IGSF9B: variants seen among roughly 807,000 people sequenced by gnomAD.
The protein encoded by IGSF9B is protein turtle homolog B.
Under a neutral mutation model 143.7 loss-of-function variants are expected in IGSF9B, and 48 were observed. The observed-to-expected ratio is 0.33, with a 90% CI of 0.26 to 0.42. IGSF9B has a LOEUF of 0.42. Ranked by LOEUF, IGSF9B falls within the 20% of genes least tolerant of loss-of-function variation. IGSF9B has a pLI of 1.00. For synonymous variants in IGSF9B, 903 were observed against 833.1 expected (o/e 1.08, Z -1.44); for missense variants, 1,706 against 1,980.0 (o/e 0.86, Z 2.63).
At chr11:133,949,903 G>C (rs983031864) in intron 1 of IGSF9B, among the ~76,000 whole-genome samples, 2 of 152,198 alleles carry the variant, frequency 1.3e-5, no homozygotes, top group Admixed American at 6.5e-5. Flanking sequence ...TCTCTTTAGA[G>C]AAGGCCAGAA....
intron 18 of IGSF9B, among the ~76,000 whole-genome samples, chr11:133,918,399 G>A (rs987781418): frequency 3.3e-4 from 50 of 152,126 alleles, no homozygotes; most frequent in Non-Finnish European, 5.3e-4. Flanking sequence ...AGCGAGCACC[G>A]GACAGGCGAG....
intron 1 of IGSF9B, among the ~76,000 whole-genome samples, chr11:133,955,387 C>T (rs1325186710): frequency 6.6e-6 from 1 of 152,204 alleles, no homozygotes; most frequent in African/African-American, 2.4e-5. Context: ...ACACCACCAC[C>T]CCCCTCAGAA....
At chr11:133,944,179 G>A (rs773303740) in intron 3 of IGSF9B, 41 bp downstream of exon 3, 58 of 1,558,398 alleles carry the variant, frequency 3.7e-5, no homozygotes, top group East Asian at 6.8e-5. Flanking sequence ...CTCAGGCACC[G>A]TTGATGGTGA....
At chr11:133,941,915 C>T (rs1029304533) in intron 3 of IGSF9B, among the ~76,000 whole-genome samples, 1 of 152,220 alleles carries the variant, frequency 6.6e-6, no homozygotes, top group Non-Finnish European at 1.5e-5. Flanking sequence ...GAAGTTCTCC[C>T]TCCTTTGTGC....
chr11:133,915,398 A>G (rs888929030), intron 18 of IGSF9B, among the ~76,000 whole-genome samples: 3 of 150,698 alleles, frequency 2.0e-5, no homozygotes, highest in Non-Finnish European at 4.4e-5. Flanking sequence ...CCCCCCAAGG[A>G]GCTGGGACTA....
At position 133,921,193 on chromosome 11, in the gene IGSF9B, G is replaced by A. The variant is rs1939528144; in HGVS notation, c.2532C>T (p.Thr844=). The A allele has an allele frequency of 6.2e-7, 1 of 1,608,788 alleles. No individual in the cohort carries two copies. Among genetic ancestry groups the A allele is most frequent in the African/African-American group, 1.3e-5 (1 of 74,878 alleles). The change falls in exon 18 of 20, where the codon ACC becomes ACT. Residue 844 remains threonine (T), a synonymous_variant. Coordinates refer to ENST00000533871, the MANE Select transcript of IGSF9B (RefSeq NM_001277285.4). ...CTCTGCTGATGAGCTCGATGGGCGT[G>A]GTGGCCTCTGCCTCGGCCTCTGCCT... The part of the protein sequence containing the change: ...VAKAEAEAEA[T]TPIELISRGP...
rs898315520 is a variant in IGSF9B, at chr11:133,913,326, A to T, written c.3984-1319T>A. Among the ~76,000 whole-genome samples, 1 of 147,426 alleles carries T rather than the reference A, an allele frequency of 6.8e-6. No individual in the cohort carries two copies. The highest frequency in any genetic ancestry group is 6.8e-5 in the Admixed American group (1 of 14,766). ...AAAGGTCAGCAAGCGGTCTGAGGTT[A>T]AAAAAAAAAATGTTAAGAGGGATAG... On this transcript the variant is annotated intron_variant, in intron 18 of 19. Transcript: ENST00000533871. The surrounding 1 kb of genome is among the most constrained non-coding windows in gnomAD (Gnocchi z 4.6).
At chr11:133,947,420 G>T (rs1940073290) in intron 1 of IGSF9B, among the ~76,000 whole-genome samples, 1 of 152,186 alleles carries the variant, frequency 6.6e-6, no homozygotes, top group Non-Finnish European at 1.5e-5. Flanking sequence ...GACCCTTCTG[G>T]TCCCAGGCCG....
rs1939225200 is a variant in IGSF9B, at chr11:133,907,397, G to A, written c.*1672C>T. ...CCAGCAGAAGCCATCCAATGCTGCCGTGGCTCACGTCCAAGCAGGGAACTC... is the reference window on the plus strand; with the variant it reads ...CCAGCAGAAGCCATCCAATGCTGCCATGGCTCACGTCCAAGCAGGGAACTC... On this transcript the variant is annotated 3_prime_UTR_variant, in exon 20 of 20. Transcript: ENST00000533871. Among the ~76,000 whole-genome samples, 2 of 152,224 alleles carry A rather than the reference G, an allele frequency of 1.3e-5. No homozygotes were observed. The highest frequency in any genetic ancestry group is 2.1e-4 in the South Asian group (1 of 4,832).
intron 3 of IGSF9B, among the ~76,000 whole-genome samples, chr11:133,941,450 C>T (rs1939954684): frequency 6.6e-6 from 1 of 152,202 alleles, no homozygotes; most frequent in South Asian, 2.1e-4. Context: ...AGGTGATCCC[C>T]GTCAGAAAAT....
chr11:133,920,157 T>A lies in IGSF9B; in HGVS notation c.3568A>T (p.Ser1190Cys). Residue 1190 changes from serine to cysteine, a missense_variant, in exon 18 of 20, where the codon AGT becomes TGT. This residue lies in a region of IGSF9B where 880 missense variants were observed against 762.9 expected (regional missense o/e 1.15). Transcript: ENST00000533871. The part of the protein sequence containing the change: ...SPRQARRAEP[S>C]LHQVVLQPSR... ...GGCTGTAGCACCACTTGATGTAAAC[T>A]GGGCTCGGCGCGCCTGGCCTGCCGA... The A allele has an allele frequency of 6.6e-7, 1 of 1,508,412 alleles. No individual in the cohort carries two copies. 93.4% of individuals were successfully genotyped at this position (1,508,412 alleles called of 1,614,324 possible).
chr11:133,954,859 C>T (rs2121355308), intron 1 of IGSF9B, among the ~76,000 whole-genome samples: 1 of 152,302 alleles, frequency 6.6e-6, no homozygotes, highest in African/African-American at 2.4e-5. Flanking sequence ...CAGAAGGACC[C>T]CTCTGCACCC....
chr11:133,900,130 A>C lies in IGSF9B; in HGVS notation c.*8939T>G, dbSNP rs1479241706. 2 of 152,618 alleles carry C rather than the reference A, an allele frequency of 1.3e-5. No homozygotes were observed. Among genetic ancestry groups the C allele is most frequent in the African/African-American group, 4.8e-5 (2 of 41,408 alleles). The allele number at this position is 152,618 out of a possible 1,614,324, so 9.5% of individuals were successfully genotyped here. Reference sequence around the variant, plus strand: ...AACCTACTCTTCCCATAATACCCCAAAACTGTCAACCAAGCCCTTCTCACG... The same window carrying C: ...AACCTACTCTTCCCATAATACCCCACAACTGTCAACCAAGCCCTTCTCACG... On this transcript the variant is annotated 3_prime_UTR_variant, in exon 20 of 20. Transcript: ENST00000533871.
At position 133,920,262 on chromosome 11, in the gene IGSF9B, G is replaced by A; in HGVS notation, c.3463C>T (p.Pro1155Ser). 1.3e-6 allele frequency: 2 copies of A among 1,519,352 alleles called. No individual in the cohort carries two copies. The highest frequency in any genetic ancestry group is 8.8e-7 in the Non-Finnish European group (1 of 1,133,388). The allele number at this position is 1,519,352 out of a possible 1,614,324, so 94.1% of individuals were successfully genotyped here. ...GTGCTGGGGCCGCCGTGCGCCCCCGGCTCAGCCGGCTCGGGGTAAGGCAGC... is the reference window on the plus strand; with the variant it reads ...GTGCTGGGGCCGCCGTGCGCCCCCGACTCAGCCGGCTCGGGGTAAGGCAGC... ...PVLPYPEPAE[P>S]GAHGGPSTFG... Residue 1155 changes from proline (P) to serine (S), a missense_variant, in exon 18 of 20, where the codon CCG becomes TCG. Pro to Ser is a moderately conservative substitution (Grantham distance 74). Transcript: ENST00000533871.
rs953491212 is a variant in IGSF9B, at chr11:133,907,655, T to A, written c.*1414A>T. Among the ~76,000 whole-genome samples the A allele has an allele frequency of 6.6e-6, 1 of 152,186 alleles. No individual in the cohort carries two copies. Among genetic ancestry groups the A allele is most frequent in the Non-Finnish European group, 1.5e-5 (1 of 68,032 alleles). ...AAGATGATCTCAGGAAGCTTCTGGA[T>A]GCTACGAGTTTGAACCAGGACCAGA... On this transcript the variant is annotated 3_prime_UTR_variant, in exon 20 of 20. Transcript: ENST00000533871.
chr11:133,951,758 G>A (rs1212833988), intron 1 of IGSF9B, among the ~76,000 whole-genome samples: 1 of 152,158 alleles, frequency 6.6e-6, no homozygotes, highest in Non-Finnish European at 1.5e-5. Context: ...CCCTGCAGCC[G>A]GCAGGCCGCC....
intron 7 of IGSF9B, 139 bp from the exon 8 acceptor site, chr11:133,932,352 A>G (rs1939749044): frequency 1.1e-6 from 1 of 881,362 alleles, no homozygotes; most frequent in African/African-American, 1.7e-5. Context: ...AGACAGACAG[A>G]CACAGGGACA....
In IGSF9B at chr11:133,909,271, G is replaced by C; in HGVS notation, c.4112C>G (p.Ser1371Cys). Residue 1371 changes from serine (S) to cysteine (C), a missense_variant, in exon 20 of 20, where the codon TCT becomes TGT. Physicochemically the swap from Ser to Cys is moderately radical, Grantham distance 112. This residue lies in a region of IGSF9B where 880 missense variants were observed against 762.9 expected (regional missense o/e 1.15). Transcript: ENST00000533871. The surrounding 1 kb of genome is among the most constrained non-coding windows in gnomAD (Gnocchi z 4.2). ...SSKSKKRSDDSASQTQQLPNS... is the reference protein window; with the variant it reads ...SSKSKKRSDDCASQTQQLPNS... ...GGGAAGCTGCTGAGTCTGGGAGGCAGAATCGTCTAGGAAGAAAGGAAGAGG... is the reference window on the plus strand; with the variant it reads ...GGGAAGCTGCTGAGTCTGGGAGGCACAATCGTCTAGGAAGAAAGGAAGAGG... 1 of 1,535,714 alleles carries C rather than the reference G, an allele frequency of 6.5e-7. No individual in the cohort carries two copies. The highest frequency in any genetic ancestry group is 8.7e-7 in the Non-Finnish European group (1 of 1,146,594).
Position 133,953,111 on chromosome 11 carries a change from C to CAA in IGSF9B, c.64+3578_64+3579dup, listed in dbSNP as rs1237526795. On this transcript the variant is annotated intron_variant, in intron 1 of 19. Coordinates refer to ENST00000533871, the MANE Select transcript of IGSF9B (RefSeq NM_001277285.4). The surrounding 1 kb of genome is among the most constrained non-coding windows in gnomAD (Gnocchi z 4.2). ...GCCAGCACCCTGGCTGGGGAGAAGG[C>CAA]AAAGGTACAGGAGGTTGGAGTGAGG... 6.6e-6 allele frequency among the ~76,000 whole-genome samples: 1 copy of CAA among 152,132 alleles called. No individual in the cohort carries two copies. The highest frequency in any genetic ancestry group is 2.4e-5 in the African/African-American group (1 of 41,440).
Sources: gnomAD v4.1 joint callset for allele counts (sites outside exome capture counted in the v4.1 genomes callset) on GRCh38, gnomAD v4.1.1 for gene constraint, gnomAD v4.1.1 regional missense constraint, Gnocchi (gnomAD v3.1) non-coding constraint, MANE v1.5 for transcripts, NCBI Gene and HGNC (gene_info 2026-07-23, HGNC 2026-07-21) for gene names.